The following NAV3 variants were observed in gnomAD, a reference collection of about 807,000 sequenced individuals.
NAV3 encodes pore membrane and/or filament interacting like protein 1.
NAV3 carries 87 observed loss-of-function variants against 244.7 expected under a neutral mutation model. The ratio of observed to expected loss-of-function variants is 0.36; its 90% CI spans 0.30 to 0.42. The LOEUF (loss-of-function observed/expected upper bound fraction) is 0.42. NAV3 is among the 20% of genes least tolerant of loss of function. The probability of loss-of-function intolerance (pLI) is 1.00; values close to 1 mark genes in which losing one functional copy is unlikely to be tolerated. For missense variants in NAV3, 2,663 were observed against 2,893.3 expected (o/e 0.92, Z 1.83); for synonymous variants, 1,126 against 1,042.2 (o/e 1.08, Z -1.55).
At chr12:77,873,871 CA>C (rs1181417627) in intron 1 of NAV3, among the ~76,000 whole-genome samples, 2 of 149,770 alleles carry the variant, frequency 1.3e-5, no homozygotes, top group Admixed American at 6.7e-5. Context: ...TAACCTAGCC[CA>C]GGGGTCCCCA....
At chr12:77,988,448 T>A (rs1870909632) in intron 5 of NAV3, among the ~76,000 whole-genome samples, 1 of 152,204 alleles carries the variant, frequency 6.6e-6, no homozygotes. Flanking sequence ...TGTGTTTTGA[T>A]CACCAGATGA....
intron 2 of NAV3, among the ~76,000 whole-genome samples, chr12:77,790,873 T>G (rs1332040036): frequency 6.6e-6 from 1 of 152,086 alleles, no homozygotes; most frequent in Non-Finnish European, 1.5e-5. Flanking sequence ...CTGACTGAGG[T>G]CTGTGTATCT....
rs73342422 is a variant in NAV3 at position 78,183,724 on chromosome 12, A to G, written c.5693-1877A>G. ...TAGAAGTAAATATGGCATGAAATGA[A>G]TAACATATTCCAAGGCAAATTTAAG... On this transcript the variant is annotated intron_variant, in intron 30 of 39. Transcript: ENST00000397909. 3.2e-3 allele frequency among the ~76,000 whole-genome samples: 482 copies of G among 152,082 alleles called. 1 individual carries two copies. Among genetic ancestry groups the G allele is most frequent in the Middle Eastern group, 0.01 (3 of 294 alleles).
chr12:77,940,495 G>C, intron 2 of NAV3, 59 bp downstream of exon 2: 1 of 1,376,534 alleles, frequency 7.3e-7, no homozygotes, highest in Non-Finnish European at 1.0e-6. Context: ...CTTTGGTAAA[G>C]CACAACTTAA....
intron 1 of NAV3, among the ~76,000 whole-genome samples, chr12:77,837,476 T>C (rs1226248053): frequency 6.6e-6 from 1 of 152,068 alleles, no homozygotes; most frequent in African/African-American, 2.4e-5. Context: ...TCATAGAGTA[T>C]TCCATTCAGT....
chr12:78,082,728 T>C (rs1024245288), intron 12 of NAV3, among the ~76,000 whole-genome samples: 2 of 152,234 alleles, frequency 1.3e-5, no homozygotes, highest in African/African-American at 4.8e-5. Context: ...TTTTAAACCA[T>C]GTTTTTAATT....
chr12:77,791,514 G>T (rs953305011), intron 2 of NAV3, among the ~76,000 whole-genome samples: 1 of 152,088 alleles, frequency 6.6e-6, no homozygotes, highest in Non-Finnish European at 1.5e-5. Flanking sequence ...AATGTATATT[G>T]GTGGTTTGAG....
chr12:77,730,048 A>G (rs1426755956), intron 2 of NAV3, among the ~76,000 whole-genome samples: 2 of 151,960 alleles, frequency 1.3e-5, no homozygotes, highest in Admixed American at 6.6e-5. Flanking sequence ...TTCAGGCTCT[A>G]CCCAATTATT....
intron 2 of NAV3, among the ~76,000 whole-genome samples, chr12:77,790,475 T>C (rs1871131914): frequency 6.6e-6 from 1 of 152,178 alleles, no homozygotes; most frequent in East Asian, 1.9e-4. Flanking sequence ...GAATTAGTTT[T>C]GGATACAGAA....
intron 2 of NAV3, among the ~76,000 whole-genome samples, chr12:77,738,477 C>T (rs1353193132): frequency 1.3e-5 from 2 of 152,194 alleles, no homozygotes; most frequent in Non-Finnish European, 2.9e-5. Context: ...AACTCTGCTT[C>T]TTCCAAAGTT....
chr12:78,085,064 C>T (rs34775889), intron 12 of NAV3, among the ~76,000 whole-genome samples: 2,431 of 152,110 alleles, frequency 0.016, 32 homozygotes, highest in Non-Finnish European at 0.025. Context: ...AGATTGTGTT[C>T]CTATAAAAAT....
intron 24 of NAV3, among the ~76,000 whole-genome samples, chr12:78,173,914 T>C (rs1321192128): frequency 6.6e-6 from 1 of 151,682 alleles, no homozygotes; most frequent in African/African-American, 2.4e-5. Context: ...TATCAATCCA[T>C]ACATACTCAT....
At chr12:78,106,990 G>T (rs1474759532) in intron 12 of NAV3, among the ~76,000 whole-genome samples, 2 of 152,118 alleles carry the variant, frequency 1.3e-5, no homozygotes, top group African/African-American at 4.8e-5. Flanking sequence ...CTACATTACT[G>T]CACACACCCA....
At chr12:78,182,325 C>T (rs1958532527) in intron 30 of NAV3, among the ~76,000 whole-genome samples, 1 of 151,992 alleles carries the variant, frequency 6.6e-6, no homozygotes, top group African/African-American at 2.4e-5. Flanking sequence ...TGGCTTGTTG[C>T]TGATGGACCT....
chr12:77,972,273 A>C (rs1281785750), intron 5 of NAV3, among the ~76,000 whole-genome samples: 2 of 152,200 alleles, frequency 1.3e-5, no homozygotes, highest in Non-Finnish European at 2.9e-5. Context: ...CTCAGGAATC[A>C]GACTGCCAGG....
intron 2 of NAV3, among the ~76,000 whole-genome samples, chr12:77,623,838 A>T (rs1362937261): frequency 6.6e-6 from 1 of 152,252 alleles, no homozygotes; most frequent in African/African-American, 2.4e-5. Context: ...ACTGCAGAGC[A>T]TGAATTTAAG....
intron 2 of NAV3, 22 bp from the exon 3 acceptor site, chr12:77,941,059 T>G: frequency 6.6e-7 from 1 of 1,516,920 alleles, no homozygotes; most frequent in Non-Finnish European, 9.0e-7. Flanking sequence ...TTTCTCTCTT[T>G]TATTTTATCT....
At chr12:78,017,107 C>G (rs1876355040) in intron 8 of NAV3, among the ~76,000 whole-genome samples, 1 of 152,088 alleles carries the variant, frequency 6.6e-6, no homozygotes, top group Admixed American at 6.6e-5. Context: ...CTCTAGATGT[C>G]TTAATTTCTT....
At chr12:77,937,091 G>T (rs1302577123) in intron 1 of NAV3, among the ~76,000 whole-genome samples, 1 of 152,118 alleles carries the variant, frequency 6.6e-6, no homozygotes, top group East Asian at 1.9e-4. Flanking sequence ...TATCTTTTAA[G>T]TATGGAAGAC....
Sources: gnomAD v4.1 joint callset for allele counts (sites outside exome capture counted in the v4.1 genomes callset) on GRCh38, gnomAD v4.1.1 for gene constraint, MANE v1.5 for transcripts, NCBI Gene and HGNC (gene_info 2026-07-23, HGNC 2026-07-21) for gene names.